The following TRPM2 variants were observed in gnomAD, a reference collection of about 807,000 sequenced individuals.
The protein encoded by TRPM2 is transient receptor potential cation channel subfamily M member 2.
Under a neutral mutation model 174.0 loss-of-function variants are expected in TRPM2, and 161 were observed. That is an observed-to-expected ratio of 0.93 (90% CI 0.81 to 1.05). The LOEUF is 1.05. Ranked by LOEUF, TRPM2 falls within the 50% of genes least tolerant of loss-of-function variation. The pLI is 0.00. For synonymous variants in TRPM2, 954 were observed against 861.3 expected (o/e 1.11, Z -1.88); for missense variants, 2,057 against 2,038.0 (o/e 1.01, Z -0.18).
chr21:44,379,849 T>C (rs1333729275), intron 8 of TRPM2, among the ~76,000 whole-genome samples: 1 of 152,220 alleles, frequency 6.6e-6, no homozygotes, highest in Non-Finnish European at 1.5e-5. Flanking sequence ...CAGGATTCTT[T>C]GCAGGGGCTG....
intron 27 of TRPM2, among the ~76,000 whole-genome samples, chr21:44,431,320 T>G (rs2051014251): frequency 1.3e-5 from 2 of 151,950 alleles, no homozygotes; most frequent in Admixed American, 1.3e-4. Flanking sequence ...TTTCTTTTTG[T>G]GGAGAATGAG....
chr21:44,408,802 C>T (rs566313370), intron 19 of TRPM2, among the ~76,000 whole-genome samples: 227 of 151,920 alleles, frequency 1.5e-3, no homozygotes, highest in Admixed American at 5.5e-3. Context: ...GGACTACAGG[C>T]GCACGCCACC....
At chr21:44,401,125 T>C (rs2049603052) in intron 15 of TRPM2, among the ~76,000 whole-genome samples, 1 of 152,162 alleles carries the variant, frequency 6.6e-6, no homozygotes, top group South Asian at 2.1e-4. Context: ...CAGTGCTGGC[T>C]TCTCTCCTGC....
chr21:44,360,283 T>G (rs1302873813), intron 2 of TRPM2, among the ~76,000 whole-genome samples: 1 of 151,856 alleles, frequency 6.6e-6, no homozygotes, highest in Non-Finnish European at 1.5e-5. Flanking sequence ...GGAGGCAGAG[T>G]AGCAGGTCCT....
intron 9 of TRPM2, among the ~76,000 whole-genome samples, chr21:44,390,043 T>G (rs141519325): frequency 2.2e-3 from 330 of 152,152 alleles, no homozygotes; most frequent in Non-Finnish European, 3.7e-3. Context: ...TGGCTAATTT[T>G]TTGTATTTTT....
At chr21:44,425,219 A>AGG in intron 24 of TRPM2, 1 of 448,466 alleles carries the variant, frequency 2.2e-6, no homozygotes, top group Non-Finnish European at 4.0e-6. Context: ...CGCACTGCAG[A>AGG]GTGGGGGTGC....
chr21:44,390,290 C>A (rs1010038749), intron 9 of TRPM2, among the ~76,000 whole-genome samples: 2 of 152,124 alleles, frequency 1.3e-5, no homozygotes, highest in African/African-American at 4.8e-5. Context: ...TAGACATAGC[C>A]TTTATGTTTG....
intron 9 of TRPM2, among the ~76,000 whole-genome samples, chr21:44,384,635 T>G (rs2048971167): frequency 6.6e-6 from 1 of 152,186 alleles, no homozygotes; most frequent in Non-Finnish European, 1.5e-5. Context: ...CTCCCAACAT[T>G]ATTATACTGG....
rs909686076 is a variant in TRPM2, at chr21:44,438,737, G to C, written c.4168-330G>C. Among the ~76,000 whole-genome samples, 5 of 152,178 alleles carry C rather than the reference G, an allele frequency of 3.3e-5. No homozygotes were observed. The highest frequency in any genetic ancestry group is 5.9e-5 in the Non-Finnish European group (4 of 68,010). On this transcript the variant is annotated intron_variant, in intron 29 of 31. Transcript: ENST00000397928. This position sits in a 1 kb window ranked among gnomAD's most constrained non-coding sequence, Gnocchi z 5.9. ...GCGGGAGCTGGGAGGGGCGACGCGG[G>C]GGCAGGCGCCAGGGGAGCGGGAAGG...
intron 9 of TRPM2, among the ~76,000 whole-genome samples, 199 bp from the exon 10 acceptor site, chr21:44,390,705 C>A (rs1327803689): frequency 1.3e-5 from 2 of 152,128 alleles, no homozygotes; most frequent in African/African-American, 4.8e-5. Flanking sequence ...CCCCAAGATT[C>A]ACTGATTCTG....
intron 5 of TRPM2, among the ~76,000 whole-genome samples, chr21:44,375,455 G>T (rs1466723985): frequency 2.0e-5 from 3 of 152,194 alleles, no homozygotes; most frequent in African/African-American, 7.2e-5. Flanking sequence ...TCTCTCACGT[G>T]TCTGGAGGAC....
At chr21:44,363,875 CT>C (rs2048284409) in intron 2 of TRPM2, among the ~76,000 whole-genome samples, 1 of 152,200 alleles carries the variant, frequency 6.6e-6, no homozygotes, top group Non-Finnish European at 1.5e-5. Flanking sequence ...CTAAGCCCCC[CT>C]GTAGCCTCCA....
Position 44,425,689 on chromosome 21 carries a change from G to GGAGCCGGATGCT in TRPM2, c.3665_3676dup (p.Asp1222_Pro1225dup), listed in dbSNP as rs2050740116. The GGAGCCGGATGCT allele has an allele frequency of 1.9e-6, 3 of 1,542,144 alleles. No homozygotes were observed. In the African/African-American group the frequency reaches 4.1e-5, roughly 21 times the overall value. On this transcript the variant is annotated inframe_insertion, in exon 25 of 32. Transcript: ENST00000397928. ...CCCCAGCCTCCCAGAAGGCCGCGGA[G>GGAGCCGGATGCT]GAGCCGGATGCTGAGCCGGGAGGCA... is the stretch of plus-strand genomic sequence containing the variant.
intron 19 of TRPM2, among the ~76,000 whole-genome samples, chr21:44,412,999 C>T (rs965510971): frequency 3.3e-5 from 5 of 152,042 alleles, no homozygotes; most frequent in South Asian, 2.1e-4. Flanking sequence ...TTTCACCTCC[C>T]GGAGTTAACT....
chr21:44,398,257 A>G (rs1299355966), intron 13 of TRPM2, among the ~76,000 whole-genome samples: 1 of 149,422 alleles, frequency 6.7e-6, no homozygotes, highest in Non-Finnish European at 1.5e-5. Flanking sequence ...CTGGAGTGCA[A>G]TGGCACAATC....
Position 44,358,895 on chromosome 21 carries a change from G to GA in TRPM2, c.254+4160dup, listed in dbSNP as rs2048130123. On this transcript the variant is annotated intron_variant, in intron 2 of 31. Transcript: ENST00000397928. ...TGAAGATGGCAGGGACCCAAAGAGT[G>GA]AGCAGCAGCAAGATATATTGTGAAG... 5.3e-5 allele frequency among the ~76,000 whole-genome samples: 8 copies of GA among 152,264 alleles called. No individual in the cohort carries two copies. In the South Asian group the frequency reaches 1.7e-3, roughly 32 times the overall value.
Position 44,406,374 on chromosome 21 carries a change from G to A in TRPM2, c.2791-220G>A, listed in dbSNP as rs115351828. Among the ~76,000 whole-genome samples the A allele has an allele frequency of 5.1e-3, 780 of 152,198 alleles. 10 individuals carry two copies. The highest frequency in any genetic ancestry group is 0.018 in the African/African-American group (738 of 41,520). ...CTAGGAGCTTTCCTCCTTGGGTCAC[G>A]GTTATGTCTGACCCCTCTTGCACTT... On this transcript the variant is annotated intron_variant, in intron 18 of 31. Transcript: ENST00000397928.
intron 12 of TRPM2, among the ~76,000 whole-genome samples, chr21:44,396,539 C>G (rs920816859): frequency 1.2e-4 from 1 of 8,176 alleles, no homozygotes; most frequent in Non-Finnish European, 2.3e-4. Flanking sequence ...GGTGTGGAGG[C>G]TGTGGAGGGG....
At chr21:44,403,551 C>T (rs542739576) in intron 16 of TRPM2, among the ~76,000 whole-genome samples, 2 of 151,682 alleles carry the variant, frequency 1.3e-5, no homozygotes, top group South Asian at 2.1e-4. Flanking sequence ...TAGGCACACA[C>T]ACATACATAC....
Sources: gnomAD v4.1 joint callset for allele counts (sites outside exome capture counted in the v4.1 genomes callset) on GRCh38, gnomAD v4.1.1 for gene constraint, Gnocchi (gnomAD v3.1) non-coding constraint, MANE v1.5 for transcripts, NCBI Gene and HGNC (gene_info 2026-07-23, HGNC 2026-07-21) for gene names.